ANKRD26: variants seen among roughly 807,000 people sequenced by gnomAD.
ANKRD26 encodes the protein ankyrin repeat domain 26, also known as ankyrin repeat domain-containing protein 26.
ANKRD26 carries 141 observed loss-of-function variants against 208.7 expected under a neutral mutation model. The observed-to-expected ratio is 0.68, with a 90% confidence interval of 0.59 to 0.78. ANKRD26 has a LOEUF of 0.78. Among genes scored for constraint, ANKRD26 ranks in the 30% least tolerant of loss-of-function variants. The pLI is 0.00. For missense variants in ANKRD26, 1,889 were observed against 1,938.7 expected, an observed-to-expected ratio of 0.97 and a Z score of 0.48; for synonymous variants, 636 against 660.4, an observed-to-expected ratio of 0.96 and a Z score of 0.57.
chr10:27,099,420 C>T lies in ANKRD26; in HGVS notation c.242+665G>A, dbSNP rs771833167. ...AAACAAATTACTTGTATATCTATTT[C>T]CTAAAGGCATTTTATTTCTTTTTCT... On this transcript the variant is annotated intron_variant, in intron 1 of 33. Transcript: ENST00000376087. Among the ~76,000 whole-genome samples, 49 of 152,186 alleles carry T rather than the reference C, an allele frequency of 3.2e-4. 1 individual carries two copies. The highest frequency in any genetic ancestry group is 4.9e-4 in the Non-Finnish European group (33 of 68,038).
chr10:27,046,884 G>A (rs961857218), intron 17 of ANKRD26, among the ~76,000 whole-genome samples: 2 of 152,020 alleles, frequency 1.3e-5, no homozygotes, highest in Non-Finnish European at 2.9e-5. Flanking sequence ...ACAAAATAGA[G>A]GAGTTCATGA....
At chr10:27,005,907 T>C (rs577548086) in intron 33 of ANKRD26, among the ~76,000 whole-genome samples, 184 bp from the exon 34 acceptor site, 1 of 152,350 alleles carries the variant, frequency 6.6e-6, no homozygotes, top group African/African-American at 2.4e-5. Flanking sequence ...GAATTAATTA[T>C]CCTTGTGGTT....
chr10:27,029,512 T>C (rs1012433207), intron 25 of ANKRD26, among the ~76,000 whole-genome samples, 156 bp from the exon 26 acceptor site: 2 of 152,238 alleles, frequency 1.3e-5, no homozygotes, highest in African/African-American at 4.8e-5. Flanking sequence ...GTAGAGCTGA[T>C]CTGTTGCAGC....
At chr10:27,031,230 T>C (rs1178988673) in intron 25 of ANKRD26, among the ~76,000 whole-genome samples, 2 of 152,206 alleles carry the variant, frequency 1.3e-5, no homozygotes, top group Non-Finnish European at 2.9e-5. Flanking sequence ...TAAAAACATA[T>C]GTCTTATAAA....
At chr10:27,077,196 A>G (rs2055729311) in intron 9 of ANKRD26, 142 bp downstream of exon 9, 10 of 721,260 alleles carry the variant, frequency 1.4e-5, no homozygotes, top group Non-Finnish European at 2.3e-5. Flanking sequence ...ATGGTTCAAC[A>G]TATGCAAGTC....
At chr10:27,024,176 A>G (rs1480519153) in intron 28 of ANKRD26, among the ~76,000 whole-genome samples, 4 of 152,208 alleles carry the variant, frequency 2.6e-5, no homozygotes, top group Non-Finnish European at 5.9e-5. Context: ...CTTCAGAAAT[A>G]AAAGTTCAAA....
chr10:26,981,219 G>T lies in ANKRD26; in HGVS notation c.*18-380C>A, dbSNP rs374809921. On this transcript the variant is annotated intron_variant and NMD_transcript_variant, in intron 4 of 5. Coordinates refer to the ANKRD26 transcript ENST00000674670. ...AAAAATACTTACCAAAATGGTTGCA[G>T]ATTTTTAAAAGGCAGATTTATTAGA... 4.6e-5 allele frequency among the ~76,000 whole-genome samples: 7 copies of T among 152,344 alleles called. No homozygotes were observed. The South Asian group carries it at 8.3e-4, about 18-fold the overall frequency.
Position 27,053,338 on chromosome 10 carries a change from A to T in ANKRD26, c.1617T>A (p.Ser539Arg). Residue 539 changes from serine to arginine, a missense_variant, in exon 16 of 34, where the codon AGT becomes AGA. Ser to Arg is a moderately radical substitution (Grantham distance 110). Transcript: ENST00000376087. ...ATAATACCTGTGGCTGGTTATTTTC[A>T]CTCCCTTCCCTTTCTTGCTCTTCTT... ...ASEEEQEREG[S>R]ENNQPQVEEE... The T allele has an allele frequency of 6.2e-7, 1 of 1,609,564 alleles. No individual in the cohort carries two copies. Among genetic ancestry groups the T allele is most frequent in the Non-Finnish European group, 8.5e-7 (1 of 1,177,930 alleles).
chr10:26,964,759 A>G, the ANKRD26 span, among the ~76,000 whole-genome samples: 2 of 152,200 alleles, frequency 1.3e-5, no homozygotes, highest in Non-Finnish European at 2.9e-5. Context: ...CTCTGTCACC[A>G]TTTAGGGGTG....
chr10:27,027,478 T>C (rs2053700279), intron 27 of ANKRD26, among the ~76,000 whole-genome samples: 1 of 152,188 alleles, frequency 6.6e-6, no homozygotes, highest in Non-Finnish European at 1.5e-5. Flanking sequence ...AGCAGCATTA[T>C]TCACAATAAG....
intron 32 of ANKRD26, 120 bp downstream of exon 32, chr10:27,012,762 A>G: frequency 1.1e-6 from 1 of 938,266 alleles, no homozygotes; most frequent in Non-Finnish European, 1.6e-6. Flanking sequence ...CAGTGAGCCA[A>G]GATGGCACCA....
chr10:26,978,897 C>T (rs549690163), intron 5 of ANKRD26, among the ~76,000 whole-genome samples: 1 of 152,184 alleles, frequency 6.6e-6, no homozygotes, highest in East Asian at 1.9e-4. Context: ...GATAACATAC[C>T]CTCCTGTTTC....
At chr10:27,043,836 GGCTGGAGT>G in intron 19 of ANKRD26, among the ~76,000 whole-genome samples, 1 of 151,780 alleles carries the variant, frequency 6.6e-6, no homozygotes, top group South Asian at 2.1e-4. Flanking sequence ...CTATCACCCA[GGCTGGAGT>G]GCAGTATCGT....
At chr10:26,957,892 G>A in the ANKRD26 span, among the ~76,000 whole-genome samples, 11,271 of 152,136 alleles carry the variant, frequency 0.074, 721 homozygotes, top group East Asian at 0.31. Context: ...TAGGCTAAGA[G>A]GCAAAGTAAT....
chr10:27,038,083 C>T, intron 21 of ANKRD26, 29 bp from the exon 22 acceptor site: 1 of 1,572,964 alleles, frequency 6.4e-7, no homozygotes, highest in Non-Finnish European at 8.7e-7. Context: ...ATCTTAAAAT[C>T]TGTATTGTTA....
chr10:26,971,778 T>A (rs1374960641), downstream of ANKRD26, among the ~76,000 whole-genome samples: 1 of 152,150 alleles, frequency 6.6e-6, no homozygotes, highest in Non-Finnish European at 1.5e-5. Flanking sequence ...TAATCTTACC[T>A]TTCAATAGAA....
At chr10:27,030,391 AC>A (rs2053826130) in intron 25 of ANKRD26, 1 of 985,446 alleles carries the variant, frequency 1.0e-6, no homozygotes, top group South Asian at 4.7e-5. Context: ...TACATAACTT[AC>A]ATGGCCATCA....
chr10:27,066,931 C>T (rs768481367), intron 10 of ANKRD26, among the ~76,000 whole-genome samples: 5 of 151,906 alleles, frequency 3.3e-5, no homozygotes, highest in Non-Finnish European at 5.9e-5. Flanking sequence ...CTCAGCCTCC[C>T]GAGTACCTGG....
the ANKRD26 span, among the ~76,000 whole-genome samples, chr10:26,965,212 C>G: frequency 1.3e-5 from 2 of 152,130 alleles, no homozygotes; most frequent in African/African-American, 2.4e-5. Context: ...GGAGGCATCA[C>G]GCTACCTGAC....
Sources: allele counts gnomAD v4.1 joint callset (sites outside exome capture counted in the v4.1 genomes callset), GRCh38; gene constraint gnomAD v4.1.1; transcripts MANE v1.5; gene names NCBI Gene and HGNC (gene_info 2026-07-23, HGNC 2026-07-21).